The following RAB6B variants were observed in gnomAD, a reference collection of about 807,000 sequenced individuals.
RAB6B encodes ras-related protein Rab-6B.
Under a neutral mutation model 31.2 loss-of-function variants are expected in RAB6B, and 7 were observed. The ratio of observed to expected loss-of-function variants is 0.22; its 90% CI spans 0.13 to 0.42. RAB6B has a LOEUF of 0.42. RAB6B is among the 10% of genes least tolerant of loss of function. RAB6B has a pLI of 1.00. For missense variants in RAB6B, 149 were observed against 280.6 expected (o/e 0.53, Z 3.35); for synonymous variants, 105 against 104.9 (o/e 1.00, Z -0.01).
intron 1 of RAB6B, 143 bp from the exon 2 acceptor site, chr3:133,864,785 G>C (rs1334368794): frequency 1.2e-6 from 1 of 806,170 alleles, no homozygotes; most frequent in African/African-American, 1.7e-5. Context: ...TGGGAGACAG[G>C]CCCCTGCTAG....
At chr3:133,856,736 G>C (rs990467242) in intron 2 of RAB6B, among the ~76,000 whole-genome samples, 13 of 152,150 alleles carry the variant, frequency 8.5e-5, no homozygotes, top group African/African-American at 2.9e-4. Context: ...TAAGTTCTTA[G>C]ATGCCCTCAA....
Position 133,895,701 on chromosome 3 carries a change from T to TGCTGCGGTCGGCACTG in RAB6B, c.-251_-236dup, listed in dbSNP as rs1936702391. On this transcript the variant is annotated 5_prime_UTR_variant, in exon 1 of 8. Transcript: ENST00000285208. ...AGGCGGAGGAAGGCTGGGGCTGGGC[T>TGCTGCGGTCGGCACTG]GCTGCGGTCGGCACTGGCTGCGGTG... 1.8e-6 allele frequency: 1 copy of TGCTGCGGTCGGCACTG among 551,352 alleles called. No individual in the cohort carries two copies. Among genetic ancestry groups the TGCTGCGGTCGGCACTG allele is most frequent in the African/African-American group, 2.0e-5 (1 of 50,000 alleles). 34.2% of individuals were successfully genotyped at this position (551,352 alleles called of 1,614,324 possible).
rs3811659 is a variant in RAB6B at position 133,825,164 on chromosome 3, G to C, written c.*3624C>G. On this transcript the variant is annotated 3_prime_UTR_variant, in exon 8 of 8. Coordinates refer to ENST00000285208, the MANE Select transcript of RAB6B (RefSeq NM_016577.4). ...ATGCCTCACTGTCCTCGGCTACCTGGTCCCATCTCATCCTGACATCCTCAC... is the reference window on the plus strand; with the variant it reads ...ATGCCTCACTGTCCTCGGCTACCTGCTCCCATCTCATCCTGACATCCTCAC... 35,009 of 152,088 alleles carry C rather than the reference G, an allele frequency of 0.23. 4,385 individuals carry two copies. The highest frequency in any genetic ancestry group is 0.41 in the East Asian group (2,110 of 5,154). 9.4% of individuals were successfully genotyped at this position (152,088 alleles called of 1,614,324 possible). A position where few individuals can be genotyped will look rare whatever the true frequency, so the allele number is the denominator to read the frequency against.
Position 133,841,162 on chromosome 3 carries a change from G to A in RAB6B, c.289+123C>T, listed in dbSNP as rs575409782. ...GCCTTTCTGCATTCAGGGAGCAATCGCACACACATGCGTGTGCACACACAT... is the reference window on the plus strand; with the variant it reads ...GCCTTTCTGCATTCAGGGAGCAATCACACACACATGCGTGTGCACACACAT... On this transcript the variant is annotated intron_variant, in intron 4 of 7. Coordinates refer to ENST00000285208, the MANE Select transcript of RAB6B (RefSeq NM_016577.4). 7.4e-5 allele frequency: 47 copies of A among 631,628 alleles called. No homozygotes were observed. In the Admixed American group the frequency reaches 8.4e-4, roughly 11 times the overall value. The allele number at this position is 631,628 out of a possible 1,614,324, so 39.1% of individuals were successfully genotyped here.
chr3:133,842,811 C>G (rs1386028296), intron 2 of RAB6B, among the ~76,000 whole-genome samples: 1 of 152,224 alleles, frequency 6.6e-6, no homozygotes, highest in Non-Finnish European at 1.5e-5. Context: ...CTTCATTACA[C>G]TCCTTCATTA....
intron 2 of RAB6B, 108 bp from the exon 3 acceptor site, chr3:133,841,771 T>C: frequency 9.2e-7 from 1 of 1,088,126 alleles, no homozygotes; most frequent in African/African-American, 1.6e-5. Flanking sequence ...GACGCTCATG[T>C]CAGGTCTAAT....
Position 133,826,742 on chromosome 3 carries a change from AT to A in RAB6B, c.*2045del, listed in dbSNP as rs1288917720. ...AACACAACTATGCATTATTTTATTGATGGCAAGACAATCACAAGTTATTTGA... is the reference window on the plus strand; with the variant it reads ...AACACAACTATGCATTATTTTATTGAGGCAAGACAATCACAAGTTATTTGA... On this transcript the variant is annotated 3_prime_UTR_variant, in exon 8 of 8. Coordinates refer to ENST00000285208, the MANE Select transcript of RAB6B (RefSeq NM_016577.4). The A allele has an allele frequency of 2.0e-5, 3 of 152,638 alleles. No homozygotes were observed. Among genetic ancestry groups the A allele is most frequent in the Admixed American group, 1.3e-4 (2 of 15,292 alleles). 9.5% of individuals were successfully genotyped at this position (152,638 alleles called of 1,614,324 possible).
At chr3:133,850,539 A>G (rs1352179694) in intron 2 of RAB6B, among the ~76,000 whole-genome samples, 2 of 152,230 alleles carry the variant, frequency 1.3e-5, no homozygotes, top group Non-Finnish European at 2.9e-5. Flanking sequence ...ACTGAAAAAT[A>G]CATCTGAAAC....
At chr3:133,839,754 T>A (rs1305733280) in intron 4 of RAB6B, 137 bp from the exon 5 acceptor site, 4 of 700,566 alleles carry the variant, frequency 5.7e-6, no homozygotes, top group Non-Finnish European at 1.0e-5. Flanking sequence ...GTGAGCTCAG[T>A]CAACACAGAT....
At position 133,880,495 on chromosome 3, in the gene RAB6B, C is replaced by A. The variant is rs1286939973; in HGVS notation, c.70+14902G>T. On this transcript the variant is annotated intron_variant, in intron 1 of 7. Transcript: ENST00000285208. The stretch of plus-strand genomic sequence containing the variant: ...TGCTCAGGCAAGTGGAAGGAGGCCT[C>A]TAGACTGCAGGCTGATGCAGGCAAG... 5.9e-5 allele frequency among the ~76,000 whole-genome samples: 9 copies of A among 152,230 alleles called. No individual in the cohort carries two copies. The South Asian group carries it at 1.7e-3, about 28-fold the overall frequency.
intron 1 of RAB6B, among the ~76,000 whole-genome samples, chr3:133,878,932 G>A (rs1936431292): frequency 6.6e-6 from 1 of 152,200 alleles, no homozygotes; most frequent in South Asian, 2.1e-4. Flanking sequence ...AGCTCTGTGG[G>A]CAGAAGGAGC....
At chr3:133,879,626 G>A (rs1917782) in intron 1 of RAB6B, among the ~76,000 whole-genome samples, 1 of 152,322 alleles carries the variant, frequency 6.6e-6, no homozygotes, top group East Asian at 1.9e-4. Flanking sequence ...CAGTGTCTTA[G>A]CTATGAGGAC....
intron 1 of RAB6B, among the ~76,000 whole-genome samples, chr3:133,884,726 A>G (rs1205524394): frequency 6.6e-6 from 1 of 150,936 alleles, no homozygotes; most frequent in African/African-American, 2.4e-5. Flanking sequence ...CAGGACACAA[A>G]CACACCTAAT....
intron 7 of RAB6B, among the ~76,000 whole-genome samples, chr3:133,833,937 G>C (rs1264301820): frequency 6.6e-6 from 1 of 152,238 alleles, no homozygotes; most frequent in African/African-American, 2.4e-5. Flanking sequence ...GGCTGGATAT[G>C]GAGGAAGCAA....
intron 2 of RAB6B, among the ~76,000 whole-genome samples, chr3:133,848,327 C>G (rs1208143803): frequency 6.6e-6 from 1 of 152,168 alleles, no homozygotes; most frequent in Admixed American, 6.5e-5. Flanking sequence ...CACCCAGCCC[C>G]CTTTTTCTCC....
In RAB6B at chr3:133,876,628, G is replaced by C. The variant is rs151056795; in HGVS notation, c.71-11986C>G. ...GTCTAAGCTCCCTGGCAGTCAAAGG[G>C]GAAAAAAAGAAGCACAACCAAGGGT... On this transcript the variant is annotated intron_variant, in intron 1 of 7. Coordinates refer to ENST00000285208, the MANE Select transcript of RAB6B (RefSeq NM_016577.4). Among the ~76,000 whole-genome samples, 53 of 152,126 alleles carry C rather than the reference G, an allele frequency of 3.5e-4. 1 individual carries two copies. In the East Asian group the frequency reaches 9.1e-3, roughly 26 times the overall value.
chr3:133,880,939 G>A (rs1009115382), intron 1 of RAB6B, among the ~76,000 whole-genome samples: 13 of 152,202 alleles, frequency 8.5e-5, no homozygotes, highest in African/African-American at 2.9e-4. Context: ...TGACTCTGGG[G>A]TGGAAAATGC....
At chr3:133,878,525 C>T (rs1455754040) in intron 1 of RAB6B, among the ~76,000 whole-genome samples, 1 of 152,114 alleles carries the variant, frequency 6.6e-6, no homozygotes, top group Non-Finnish European at 1.5e-5. Flanking sequence ...ACTCTCACAT[C>T]AAGAAATGTT....
chr3:133,843,808 T>C (rs1451105655), intron 2 of RAB6B, among the ~76,000 whole-genome samples: 1 of 152,126 alleles, frequency 6.6e-6, no homozygotes, highest in Non-Finnish European at 1.5e-5. Flanking sequence ...GCTGCTCCCT[T>C]TCCCACTGTC....
Sources: allele counts gnomAD v4.1 joint callset (sites outside exome capture counted in the v4.1 genomes callset), GRCh38; gene constraint gnomAD v4.1.1; transcripts MANE v1.5; gene names NCBI Gene and HGNC (gene_info 2026-07-23, HGNC 2026-07-21).